The following PPP1R12A variants were observed in gnomAD, a reference collection of about 807,000 sequenced individuals.
The protein encoded by PPP1R12A is myosin binding subunit.
PPP1R12A carries 19 observed loss-of-function variants against 139.6 expected under a neutral mutation model. The ratio of observed to expected loss-of-function variants is 0.14; its 90% CI spans 0.09 to 0.20. The LOEUF (loss-of-function observed/expected upper bound fraction) is 0.20, where lower values mean the gene tolerates loss of function less well. Among genes scored for constraint, PPP1R12A ranks in the 10% least tolerant of loss-of-function variants. PPP1R12A has a pLI of 1.00. For synonymous variants in PPP1R12A, 427 were observed against 420.6 expected, an observed-to-expected ratio of 1.02 and a Z score of -0.19; for missense variants, 925 against 1,211.5, an observed-to-expected ratio of 0.76 and a Z score of 3.51.
At chr12:79,893,429 A>C (rs569134302) in intron 1 of PPP1R12A, among the ~76,000 whole-genome samples, 39 of 152,238 alleles carry the variant, frequency 2.6e-4, no homozygotes, top group Non-Finnish European at 4.4e-4. Context: ...CCTCCACTAC[A>C]CTACGGGCTC....
intron 15 of PPP1R12A, among the ~76,000 whole-genome samples, chr12:79,797,901 T>C (rs367735335): frequency 9.9e-5 from 15 of 152,266 alleles, no homozygotes; most frequent in East Asian, 1.9e-4. Context: ...ATGGTAAGGA[T>C]AGACAGCTGA....
At chr12:79,807,500 C>T (rs1043471800) in intron 11 of PPP1R12A, among the ~76,000 whole-genome samples, 170 bp from the exon 12 acceptor site, 3 of 149,660 alleles carry the variant, frequency 2.0e-5, no homozygotes, top group Admixed American at 6.7e-5. Context: ...ATTATATACC[C>T]TAAGGTATAA....
At chr12:79,789,029 C>T (rs1359953318) in intron 20 of PPP1R12A, among the ~76,000 whole-genome samples, 2 of 152,094 alleles carry the variant, frequency 1.3e-5, no homozygotes, top group Non-Finnish European at 2.9e-5. Context: ...CTCGACTTCT[C>T]GGGCTCAAGT....
chr12:79,796,865 G>A lies in PPP1R12A; in HGVS notation c.2378C>T (p.Ala793Val). 6.2e-7 allele frequency: 1 copy of A among 1,611,322 alleles called. No individual in the cohort carries two copies. Among genetic ancestry groups the A allele is most frequent in the Non-Finnish European group, 8.5e-7 (1 of 1,177,650 alleles). Residue 793 changes from alanine to valine, a missense_variant, in exon 17 of 25, where the codon GCT becomes GTT. Ala to Val is a moderately conservative substitution (Grantham distance 64). Coordinates refer to ENST00000450142, the MANE Select transcript of PPP1R12A (RefSeq NM_002480.3). ...ATTTGGCCTGTTTAGTTGACTTGAAGCATACAGTGAACTGCTCATAGTAGA... is the reference window on the plus strand; with the variant it reads ...ATTTGGCCTGTTTAGTTGACTTGAAACATACAGTGAACTGCTCATAGTAGA... ...SLSTMSSSLY[A>V]SSQLNRPNSL... is the part of the protein sequence containing the mutation.
In PPP1R12A at chr12:79,788,730, C is replaced by T. The variant is rs551485179; in HGVS notation, c.2720G>A (p.Arg907His). The change falls in exon 21 of 25, where the codon CGC (arginine) becomes CAC (histidine). Residue 907 changes from arginine (R) to histidine (H), a missense_variant. Transcript: ENST00000450142. ...TTCTAAGTAACTGTATGATCCAGAGCGACCCAGCAAGGAATCATATCGATC... is the reference window on the plus strand; with the variant it reads ...TTCTAAGTAACTGTATGATCCAGAGTGACCCAGCAAGGAATCATATCGATC... ...AGDRYDSLLG[R>H]SGSYSYLEER... 7.4e-5 allele frequency: 119 copies of T among 1,612,866 alleles called. No individual in the cohort carries two copies. Among genetic ancestry groups the T allele is most frequent in the South Asian group, 6.3e-4 (57 of 90,984 alleles).
At chr12:79,816,486 T>A (rs1290424413) in intron 9 of PPP1R12A, among the ~76,000 whole-genome samples, 1 of 152,060 alleles carries the variant, frequency 6.6e-6, no homozygotes, top group African/African-American at 2.4e-5. Flanking sequence ...AGAGAAATCT[T>A]TGAAAAGAGA....
chr12:79,896,222 C>T (rs1179590952), intron 1 of PPP1R12A, among the ~76,000 whole-genome samples: 3 of 152,094 alleles, frequency 2.0e-5, no homozygotes, highest in African/African-American at 7.2e-5. Context: ...CTTTCTAAAA[C>T]ATCCCTAATA....
intron 15 of PPP1R12A, 60 bp from the exon 16 acceptor site, chr12:79,797,455 A>G (rs1235836940): frequency 1.4e-6 from 2 of 1,414,204 alleles, no homozygotes; most frequent in East Asian, 2.5e-5. Context: ...TTCAAGGAAT[A>G]TTTTAGAAAT....
intron 23 of PPP1R12A, chr12:79,779,972 G>A (rs948853607): frequency 6.5e-6 from 1 of 152,674 alleles, no homozygotes; most frequent in Non-Finnish European, 1.5e-5. Context: ...GGGAGGCCTA[G>A]GTGAAAGGAT....
intron 1 of PPP1R12A, among the ~76,000 whole-genome samples, chr12:79,905,816 T>C (rs947671354): frequency 1.3e-5 from 2 of 152,204 alleles, no homozygotes; most frequent in Admixed American, 6.5e-5. Flanking sequence ...TGTAATACAT[T>C]AAATGTGGAA....
At chr12:79,865,863 G>T (rs1881904515) in intron 2 of PPP1R12A, among the ~76,000 whole-genome samples, 1 of 152,124 alleles carries the variant, frequency 6.6e-6, no homozygotes, top group Non-Finnish European at 1.5e-5. Context: ...TGGACAGAAA[G>T]AATCAATATC....
intron 9 of PPP1R12A, among the ~76,000 whole-genome samples, chr12:79,814,171 G>T (rs1055091325): frequency 6.6e-6 from 1 of 152,104 alleles, no homozygotes; most frequent in Non-Finnish European, 1.5e-5. Context: ...AAGTCATACA[G>T]TATTGATAAG....
At chr12:79,904,294 C>CTTAATTAAACAG (rs1383240861) in intron 1 of PPP1R12A, among the ~76,000 whole-genome samples, 1 of 151,738 alleles carries the variant, frequency 6.6e-6, no homozygotes, top group Non-Finnish European at 1.5e-5. Context: ...ATATGTGGTG[C>CTTAATTAAACAG]TTAATTAAAC....
chr12:79,923,179 T>C (rs111495840), intron 1 of PPP1R12A, among the ~76,000 whole-genome samples: 41 of 152,184 alleles, frequency 2.7e-4, no homozygotes, highest in Non-Finnish European at 5.3e-4. Flanking sequence ...GAGGCTGAGA[T>C]GGGACAATCG....
In PPP1R12A at chr12:79,796,966, A is replaced by C; in HGVS notation, c.2293-16T>G. The C allele has an allele frequency of 6.3e-7, 1 of 1,579,654 alleles. No individual in the cohort carries two copies. Among genetic ancestry groups the C allele is most frequent in the Non-Finnish European group, 8.6e-7 (1 of 1,168,124 alleles). ...GCTGGTAAGTCTGTGAAACATTAAG[A>C]TCAAAACCCATTTGAAACATTAAAC... On this transcript the variant is annotated splice_polypyrimidine_tract_variant and intron_variant, in intron 16 of 24. Coordinates refer to ENST00000450142, the MANE Select transcript of PPP1R12A (RefSeq NM_002480.3).
At chr12:79,931,688 T>C (rs552550023) in intron 1 of PPP1R12A, among the ~76,000 whole-genome samples, 2 of 152,274 alleles carry the variant, frequency 1.3e-5, no homozygotes, top group African/African-American at 4.8e-5. Flanking sequence ...TATTGCCCCA[T>C]TGGTAATAAT....
rs369808728 is a variant in PPP1R12A, at chr12:79,788,893, C to T, written c.2667-110G>A. 1.1e-5 allele frequency: 10 copies of T among 907,258 alleles called. No homozygotes were observed. The African/African-American group carries it at 1.5e-4, about 14-fold the overall frequency. 56.2% of individuals were successfully genotyped at this position (907,258 alleles called of 1,614,324 possible). ...ACAGTTCAAAAGAGTAGGTCACAGT[C>T]TCCCTCTGTTATCTGATTAATTTTT... On this transcript the variant is annotated intron_variant, in intron 20 of 24. Coordinates refer to ENST00000450142, the MANE Select transcript of PPP1R12A (RefSeq NM_002480.3).
intron 2 of PPP1R12A, among the ~76,000 whole-genome samples, chr12:79,862,467 T>C (rs1014147951): frequency 6.6e-6 from 1 of 152,038 alleles, no homozygotes; most frequent in African/African-American, 2.4e-5. Flanking sequence ...AGAGAATGAG[T>C]TCGACAAAGT....
chr12:79,790,285 T>G (rs558063302), intron 20 of PPP1R12A, among the ~76,000 whole-genome samples, 182 bp downstream of exon 20: 11 of 152,286 alleles, frequency 7.2e-5, no homozygotes, highest in Non-Finnish European at 1.6e-4. Flanking sequence ...TTGCTCTGAC[T>G]AGTGATCTTG....
Sources: allele counts gnomAD v4.1 joint callset (sites outside exome capture counted in the v4.1 genomes callset), GRCh38; gene constraint gnomAD v4.1.1; transcripts MANE v1.5; gene names NCBI Gene and HGNC (gene_info 2026-07-23, HGNC 2026-07-21).